FGF14: variants seen among roughly 807,000 people sequenced by gnomAD.
FGF14 encodes the protein fibroblast growth factor 14.
FGF14 carries 5 observed loss-of-function variants against 25.5 expected under a neutral mutation model. The ratio of observed to expected loss-of-function variants is 0.20; its 90% CI spans 0.10 to 0.41. The LOEUF (loss-of-function observed/expected upper bound fraction) is 0.41, where lower values mean the gene tolerates loss of function less well. FGF14 is among the 10% of genes least tolerant of loss of function. The pLI is 1.00. For synonymous variants in FGF14, 138 were observed against 118.3 expected, an observed-to-expected ratio of 1.17 and a Z score of -1.08; for missense variants, 222 against 320.1, an observed-to-expected ratio of 0.69 and a Z score of 2.34.
At chr13:101,988,059 A>G (rs955110184) in intron 1 of FGF14, among the ~76,000 whole-genome samples, 6 of 152,092 alleles carry the variant, frequency 3.9e-5, no homozygotes, top group Non-Finnish European at 8.8e-5. Context: ...AGAGACACTG[A>G]AGTTTATACA....
At chr13:101,861,178 T>C (rs1237316902) in intron 3 of FGF14, among the ~76,000 whole-genome samples, 1 of 152,114 alleles carries the variant, frequency 6.6e-6, no homozygotes, top group Non-Finnish European at 1.5e-5. Context: ...GTCACAGAAT[T>C]GATTCTATCT....
chr13:102,281,690 CTTTTT>C (rs539883822), intron 1 of FGF14, among the ~76,000 whole-genome samples: 1 of 135,050 alleles, frequency 7.4e-6, no homozygotes, highest in Non-Finnish European at 1.6e-5. Context: ...ATCCTAACTT[CTTTTT>C]TTTTTTTTTT....
intron 1 of FGF14, among the ~76,000 whole-genome samples, chr13:102,138,129 A>G (rs1488021314): frequency 6.7e-6 from 1 of 149,318 alleles, no homozygotes; most frequent in Admixed American, 6.7e-5. Flanking sequence ...ATTGGCAATG[A>G]GACCATCATT....
intron 1 of FGF14, among the ~76,000 whole-genome samples, chr13:102,124,215 A>G (rs778766498): frequency 2.6e-5 from 4 of 152,176 alleles, no homozygotes; most frequent in Non-Finnish European, 5.9e-5. Flanking sequence ...TCCCACTTGA[A>G]AGTATTAACT....
chr13:102,069,526 G>T (rs2043065328), intron 1 of FGF14, among the ~76,000 whole-genome samples: 1 of 152,150 alleles, frequency 6.6e-6, no homozygotes, highest in African/African-American at 2.4e-5. Context: ...GCTTTTATGA[G>T]CTGTAACGCT....
At chr13:101,917,025 CG>C (rs1346266158), upstream of FGF14, among the ~76,000 whole-genome samples, 4 of 151,602 alleles carry the variant, frequency 2.6e-5, no homozygotes, top group African/African-American at 9.7e-5. Flanking sequence ...TCGCCCTGCC[CG>C]GCTCCCGGGC....
rs868443137 is a variant in FGF14, at chr13:101,975,118, G to A, written c.209-99822C>T. 3.9e-5 allele frequency among the ~76,000 whole-genome samples: 6 copies of A among 152,098 alleles called. No individual in the cohort carries two copies. The South Asian group carries it at 6.2e-4, about 16-fold the overall frequency. ...TGTCTGGCTGTTCACATTCCATGAC[G>A]ACTGACACCTTCCCTGGCACTGCTC... On this transcript the variant is annotated intron_variant, in intron 1 of 4. Transcript: ENST00000376131.
At chr13:102,220,517 C>T (rs1024595031) in intron 1 of FGF14, among the ~76,000 whole-genome samples, 4 of 152,150 alleles carry the variant, frequency 2.6e-5, no homozygotes, top group East Asian at 3.8e-4. Flanking sequence ...TTATTGTACT[C>T]GCCAACATAC....
intron 3 of FGF14, among the ~76,000 whole-genome samples, chr13:101,828,822 G>C (rs913807724): frequency 2.6e-5 from 4 of 152,058 alleles, no homozygotes; most frequent in African/African-American, 9.7e-5. Flanking sequence ...ATGTGCTGTG[G>C]TTGCATTTAT....
intron 3 of FGF14, among the ~76,000 whole-genome samples, chr13:101,820,238 T>C (rs1458709374): frequency 2.0e-5 from 3 of 152,060 alleles, no homozygotes; most frequent in Non-Finnish European, 4.4e-5. Context: ...AATGAGATTG[T>C]ATAAAGAAAA....
intron 1 of FGF14, among the ~76,000 whole-genome samples, chr13:102,264,258 T>C (rs1463144555): frequency 6.6e-6 from 1 of 151,974 alleles, no homozygotes; most frequent in Non-Finnish European, 1.5e-5. Context: ...TAGGATTGCA[T>C]AGGGACAATG....
At chr13:102,216,708 T>G (rs1221922735) in intron 1 of FGF14, among the ~76,000 whole-genome samples, 1 of 151,596 alleles carries the variant, frequency 6.6e-6, no homozygotes, top group East Asian at 1.9e-4. Flanking sequence ...CAACATATCA[T>G]TGTTAACTAG....
chr13:102,187,457 G>C (rs900742832), intron 1 of FGF14, among the ~76,000 whole-genome samples: 4 of 152,162 alleles, frequency 2.6e-5, no homozygotes, highest in Non-Finnish European at 5.9e-5. Flanking sequence ...GGGCACCAGA[G>C]TTCAGCCGGA....
chr13:101,756,892 TTAAG>T (rs562234978), intron 3 of FGF14, among the ~76,000 whole-genome samples: 5 of 152,334 alleles, frequency 3.3e-5, no homozygotes, highest in Admixed American at 2.0e-4. Context: ...TTTTAAAAAA[TTAAG>T]TTAGTATAAA....
chr13:101,885,353 G>A (rs2045935340), intron 1 of FGF14, among the ~76,000 whole-genome samples: 1 of 152,112 alleles, frequency 6.6e-6, no homozygotes, highest in Non-Finnish European at 1.5e-5. Context: ...AGGGTGGAGG[G>A]TGGGAGGGAG....
chr13:101,799,396 C>T (rs924038420), intron 3 of FGF14, among the ~76,000 whole-genome samples: 1 of 151,942 alleles, frequency 6.6e-6, no homozygotes, highest in Non-Finnish European at 1.5e-5. Context: ...AGCTGCTGTT[C>T]TCTTGGTAAG....
upstream of FGF14, among the ~76,000 whole-genome samples, chr13:101,919,332 A>G (rs753018335): frequency 6.6e-6 from 1 of 151,836 alleles, no homozygotes; most frequent in Non-Finnish European, 1.5e-5. Flanking sequence ...GTTTCAAAAA[A>G]GTAAAATGTT....
intron 1 of FGF14, among the ~76,000 whole-genome samples, chr13:102,105,126 A>G (rs1386339430): frequency 6.6e-6 from 1 of 152,218 alleles, no homozygotes; most frequent in Non-Finnish European, 1.5e-5. Context: ...TTACTAAAAA[A>G]CAGAAAAATG....
chr13:102,095,230 AG>A (rs1202479009), intron 1 of FGF14, among the ~76,000 whole-genome samples: 6 of 152,188 alleles, frequency 3.9e-5, no homozygotes, highest in Non-Finnish European at 8.8e-5. Flanking sequence ...GTCAGGATGA[AG>A]GGTTTCTGAA....
Sources: gnomAD v4.1 joint callset for allele counts (sites outside exome capture counted in the v4.1 genomes callset) on GRCh38, gnomAD v4.1.1 for gene constraint, MANE v1.5 for transcripts, NCBI Gene and HGNC (gene_info 2026-07-23, HGNC 2026-07-21) for gene names.